SLC25A48: variants seen among roughly 807,000 people sequenced by gnomAD.
SLC25A48 encodes solute carrier family 25 member 48.
SLC25A48 carries 29 observed loss-of-function variants against 32.2 expected under a neutral mutation model. That is an observed-to-expected ratio of 0.90 (90% CI 0.67 to 1.23). The LOEUF is 1.23. SLC25A48 is among the 50% of genes most tolerant of loss of function. The pLI is 0.00. For synonymous variants in SLC25A48, 164 were observed against 172.3 expected, an observed-to-expected ratio of 0.95 and a Z score of 0.38; for missense variants, 399 against 422.7, an observed-to-expected ratio of 0.94 and a Z score of 0.49.
At chr5:135,883,275 A>G in intron 7 of SLC25A48, 1 of 985,492 alleles carries the variant, frequency 1.0e-6, no homozygotes, top group African/African-American at 1.7e-5. Context: ...ACCATTGGTC[A>G]ACTGATCACC....
chr5:135,777,578 T>G (rs1230753776), intron 3 of SLC25A48, among the ~76,000 whole-genome samples: 1 of 151,712 alleles, frequency 6.6e-6, no homozygotes, highest in African/African-American at 2.4e-5. Flanking sequence ...GAGGATAATA[T>G]TACTCCCAAT....
chr5:135,860,821 G>A (rs149778216), intron 4 of SLC25A48, among the ~76,000 whole-genome samples: 177 of 152,210 alleles, frequency 1.2e-3, no homozygotes, highest in African/African-American at 3.9e-3. Context: ...CTTCCAGGGC[G>A]ATCCTATGTG....
intron 1 of SLC25A48, among the ~76,000 whole-genome samples, chr5:135,835,939 G>A (rs1349893674): frequency 6.6e-6 from 1 of 152,162 alleles, no homozygotes; most frequent in Non-Finnish European, 1.5e-5. Flanking sequence ...AAGTCTGTTG[G>A]CACAGATGCC....
In SLC25A48 at chr5:135,790,467, T is replaced by C. The variant is rs140625584; in HGVS notation, c.-520-22056T>C. On this transcript the variant is annotated intron_variant, in intron 3 of 10. Coordinates refer to the SLC25A48 transcript ENST00000646290. Reference sequence around the variant, plus strand: ...CATCCTGTTTTATTATTTATAATACTATAGGGGGATGTTACTTCTAATGTC... The same window carrying C: ...CATCCTGTTTTATTATTTATAATACCATAGGGGGATGTTACTTCTAATGTC... 1.9e-3 allele frequency among the ~76,000 whole-genome samples: 284 copies of C among 151,854 alleles called. 2 individuals are homozygous for C. Among genetic ancestry groups the C allele is most frequent in the African/African-American group, 6.8e-3 (280 of 41,426 alleles).
Position 135,665,300 on chromosome 5 carries a change from G to A in SLC25A48, c.-521+30344G>A, listed in dbSNP as rs1753494338. Among the ~76,000 whole-genome samples the A allele has an allele frequency of 2.0e-5, 3 of 151,976 alleles. No individual in the cohort carries two copies. The South Asian group carries it at 6.2e-4, about 32-fold the overall frequency. On this transcript the variant is annotated intron_variant, in intron 3 of 10. Coordinates refer to the SLC25A48 transcript ENST00000646290. ...GTTGTTTTTTTTCTTGCTGATTTGA[G>A]TTCCTTGTAGATTCTGGATACTAGT...
chr5:135,597,927 T>C (rs1751693475), intron 1 of SLC25A48, among the ~76,000 whole-genome samples: 1 of 151,916 alleles, frequency 6.6e-6, no homozygotes, highest in Non-Finnish European at 1.5e-5. Flanking sequence ...TCACTTGAAC[T>C]CAGGAGACGG....
At chr5:135,778,019 A>C (rs1224494689) in intron 3 of SLC25A48, among the ~76,000 whole-genome samples, 1 of 140,284 alleles carries the variant, frequency 7.1e-6, no homozygotes, top group Non-Finnish European at 1.6e-5. Context: ...TCTAATATCC[A>C]AACGGGGAGA....
At chr5:135,667,876 T>C (rs761696464) in intron 3 of SLC25A48, among the ~76,000 whole-genome samples, 1 of 152,226 alleles carries the variant, frequency 6.6e-6, no homozygotes, top group African/African-American at 2.4e-5. Context: ...GTTCACTCAC[T>C]CTATAAACAT....
chr5:135,724,270 C>A (rs1027426018), intron 3 of SLC25A48, among the ~76,000 whole-genome samples: 3 of 152,190 alleles, frequency 2.0e-5, no homozygotes, highest in Non-Finnish European at 2.9e-5. Context: ...TGTTATTGTC[C>A]TCAGTTACAA....
At chr5:135,842,337 C>T (rs1759075488) in intron 1 of SLC25A48, 79 bp from the exon 2 acceptor site, 2 of 1,471,762 alleles carry the variant, frequency 1.4e-6, no homozygotes, top group Non-Finnish European at 1.9e-6. Flanking sequence ...AAACAAGTGC[C>T]TGTTTTGTCC....
At chr5:135,612,977 G>GT (rs1752106386) in intron 1 of SLC25A48, among the ~76,000 whole-genome samples, 2 of 152,094 alleles carry the variant, frequency 1.3e-5, no homozygotes, top group South Asian at 4.2e-4. Context: ...TTTATTTTTA[G>GT]TTTTTTGAGA....
chr5:135,836,405 A>C (rs60139554), intron 1 of SLC25A48, among the ~76,000 whole-genome samples: 7,713 of 151,650 alleles, frequency 0.051, 432 homozygotes, highest in African/African-American at 0.14. Flanking sequence ...TGTTTACTAC[A>C]CTTGAATACT....
intron 1 of SLC25A48, among the ~76,000 whole-genome samples, chr5:135,606,787 C>T (rs538215377): frequency 6.6e-6 from 1 of 152,330 alleles, no homozygotes; most frequent in South Asian, 2.1e-4. Context: ...GGCCTCTGAA[C>T]AAATCTCCCC....
intron 3 of SLC25A48, among the ~76,000 whole-genome samples, chr5:135,768,424 G>A (rs1580857455): frequency 6.6e-6 from 1 of 151,198 alleles, no homozygotes; most frequent in Non-Finnish European, 1.5e-5. Flanking sequence ...GATATTGTTC[G>A]TAAAATTAAG....
At chr5:135,745,556 G>A (rs982317186) in intron 3 of SLC25A48, among the ~76,000 whole-genome samples, 1 of 152,214 alleles carries the variant, frequency 6.6e-6, no homozygotes, top group South Asian at 2.1e-4. Context: ...GCCAGCGGGG[G>A]TGGTGGGAAG....
rs77760771 is a variant in SLC25A48 at position 135,793,725 on chromosome 5, T to C, written c.-520-18798T>C. Reference sequence around the variant, plus strand: ...CTGGGGAGATATTACTCTCCTAATATCACAATAGGTGTTCACCATTTTTGT... The same window carrying C: ...CTGGGGAGATATTACTCTCCTAATACCACAATAGGTGTTCACCATTTTTGT... On this transcript the variant is annotated intron_variant, in intron 3 of 10. Coordinates refer to the SLC25A48 transcript ENST00000646290. Among the ~76,000 whole-genome samples the C allele has an allele frequency of 3.5e-3, 525 of 151,984 alleles. 4 individuals are homozygous for C. Among genetic ancestry groups the C allele is most frequent in the African/African-American group, 0.012 (491 of 41,482 alleles).
chr5:135,794,524 T>C (rs1381420089), intron 3 of SLC25A48, among the ~76,000 whole-genome samples: 1 of 151,848 alleles, frequency 6.6e-6, no homozygotes, highest in Admixed American at 6.6e-5. Flanking sequence ...TGTGATATTG[T>C]TCTTAATATC....
At chr5:135,850,635 A>G in intron 3 of SLC25A48, 139 bp downstream of exon 3, 2 of 713,386 alleles carry the variant, frequency 2.8e-6, no homozygotes, top group East Asian at 5.4e-5. Flanking sequence ...TCCCTACTTC[A>G]TCTCACACCA....
chr5:135,747,971 G>T (rs1580837704), intron 3 of SLC25A48, among the ~76,000 whole-genome samples: 1 of 152,202 alleles, frequency 6.6e-6, no homozygotes, highest in South Asian at 2.1e-4. Flanking sequence ...TGCAGAGCCT[G>T]CACTTAGTAA....
Sources: allele counts gnomAD v4.1 joint callset (sites outside exome capture counted in the v4.1 genomes callset), GRCh38; gene constraint gnomAD v4.1.1; transcripts MANE v1.5; gene names NCBI Gene and HGNC (gene_info 2026-07-23, HGNC 2026-07-21).